The following THSD7B variants were observed in gnomAD, a reference collection of about 807,000 sequenced individuals.
THSD7B encodes the protein thrombospondin type 1 domain containing 7B, also known as thrombospondin type-1 domain-containing protein 7B.
A neutral mutation model predicts 213.6 loss-of-function variants in THSD7B; 138 were observed. That is an observed-to-expected ratio of 0.65 (90% CI 0.56 to 0.74). The LOEUF (loss-of-function observed/expected upper bound fraction) is 0.74, where lower values mean the gene tolerates loss of function less well. THSD7B is among the 30% of genes least tolerant of loss of function. THSD7B has a pLI of 0.00. For missense variants in THSD7B, 1,931 were observed against 1,991.5 expected (o/e 0.97, Z 0.58); for synonymous variants, 742 against 687.0 (o/e 1.08, Z -1.25).
At chr2:136,771,871 A>T (rs1004417488) in intron 1 of THSD7B, among the ~76,000 whole-genome samples, 2 of 152,080 alleles carry the variant, frequency 1.3e-5, no homozygotes, top group Non-Finnish European at 2.9e-5. Flanking sequence ...CCATTTGAGG[A>T]TCTGTAAGGT....
intron 5 of THSD7B, among the ~76,000 whole-genome samples, chr2:137,148,022 C>T (rs1219030161): frequency 1.3e-5 from 2 of 152,016 alleles, no homozygotes; most frequent in Non-Finnish European, 2.9e-5. Flanking sequence ...AGCTGTGTCC[C>T]CACCCAAATT....
chr2:137,480,056 A>T (rs1026736337), intron 15 of THSD7B, among the ~76,000 whole-genome samples: 3 of 152,146 alleles, frequency 2.0e-5, no homozygotes, highest in African/African-American at 7.2e-5. Context: ...CACCCAACGA[A>T]GTTTGGCTGA....
chr2:136,935,921 C>A (rs1684717825), intron 2 of THSD7B, among the ~76,000 whole-genome samples: 1 of 146,848 alleles, frequency 6.8e-6, no homozygotes, highest in Admixed American at 6.8e-5. Context: ...AATATATAAT[C>A]TTATATAATT....
intron 2 of THSD7B, among the ~76,000 whole-genome samples, chr2:136,961,088 CAAAAAAAAAAAAA>C (rs57328048): frequency 2.6e-5 from 1 of 39,084 alleles, no homozygotes; most frequent in African/African-American, 1.2e-4. Context: ...GACTCCGTCT[CAAAAAAAAAAAAA>C]AAAAAAAAAA....
rs1413284264 is a variant in THSD7B, at chr2:137,286,531, C to CTT, written c.2500+10506_2500+10507dup. 2.0e-5 allele frequency among the ~76,000 whole-genome samples: 3 copies of CTT among 152,266 alleles called. No individual in the cohort carries two copies. The East Asian group carries it at 5.8e-4, about 29-fold the overall frequency. On this transcript the variant is annotated intron_variant, in intron 12 of 27. Coordinates refer to ENST00000409968, the MANE Select transcript of THSD7B (RefSeq NM_001316349.2). ...CTCCGAATGGAAGACACCATAGTCA[C>CTT]TTAACGTTTGAGCTGCAGTTTTATT... is the stretch of plus-strand genomic sequence containing the variant.
intron 10 of THSD7B, among the ~76,000 whole-genome samples, chr2:137,247,422 A>T (rs1682064462): frequency 6.6e-6 from 1 of 152,186 alleles, no homozygotes; most frequent in African/African-American, 2.4e-5. Context: ...GGACTAGTTG[A>T]GATAATTGCC....
chr2:136,832,553 A>G (rs1265623269), intron 1 of THSD7B, among the ~76,000 whole-genome samples: 1 of 152,166 alleles, frequency 6.6e-6, no homozygotes, highest in Non-Finnish European at 1.5e-5. Context: ...TTATCCAGAC[A>G]CACTCAGAAA....
chr2:137,364,280 C>G (rs1327318449), intron 12 of THSD7B, among the ~76,000 whole-genome samples: 1 of 152,134 alleles, frequency 6.6e-6, no homozygotes, highest in Non-Finnish European at 1.5e-5. Context: ...AGACAAACAG[C>G]CAATATCATA....
At chr2:136,996,178 G>A (rs779787014) in intron 2 of THSD7B, among the ~76,000 whole-genome samples, 3 of 151,948 alleles carry the variant, frequency 2.0e-5, no homozygotes, top group African/African-American at 4.8e-5. Flanking sequence ...ATTTTCCTTC[G>A]TCTGTCTGTG....
At chr2:137,523,754 T>G (rs1227860557) in intron 15 of THSD7B, among the ~76,000 whole-genome samples, 1 of 152,162 alleles carries the variant, frequency 6.6e-6, no homozygotes, top group Non-Finnish European at 1.5e-5. Context: ...CATGACCTAG[T>G]TCTTGCCATC....
chr2:137,095,697 A>C (rs1459295248), intron 4 of THSD7B, among the ~76,000 whole-genome samples: 1 of 152,058 alleles, frequency 6.6e-6, no homozygotes, highest in Admixed American at 6.6e-5. Context: ...TAATAGCTAC[A>C]TTTTAACAGC....
chr2:137,205,473 T>C (rs1361947653), intron 7 of THSD7B, among the ~76,000 whole-genome samples: 1 of 117,798 alleles, frequency 8.5e-6, no homozygotes, highest in Non-Finnish European at 1.8e-5. Context: ...ATGAAATGCA[T>C]GGTTAGATTC....
intron 25 of THSD7B, among the ~76,000 whole-genome samples, chr2:137,662,931 G>T (rs1683377898): frequency 6.6e-6 from 1 of 152,040 alleles, no homozygotes; most frequent in South Asian, 2.1e-4. Context: ...CAGGTGTGAT[G>T]GCGGGTGCCT....
chr2:136,999,519 A>G (rs1246767724), intron 2 of THSD7B, among the ~76,000 whole-genome samples: 2 of 151,864 alleles, frequency 1.3e-5, no homozygotes, highest in Admixed American at 6.6e-5. Flanking sequence ...TTGTGTGTCA[A>G]TATGAACTTG....
chr2:137,078,829 A>C (rs1687684523), intron 3 of THSD7B, among the ~76,000 whole-genome samples: 1 of 151,878 alleles, frequency 6.6e-6, no homozygotes, highest in Admixed American at 6.6e-5. Flanking sequence ...AAAATTCTAT[A>C]GTTTTCTTGT....
chr2:137,607,756 G>A (rs1682211152), intron 17 of THSD7B, among the ~76,000 whole-genome samples: 1 of 152,008 alleles, frequency 6.6e-6, no homozygotes, highest in Non-Finnish European at 1.5e-5. Context: ...TGACAGCCTC[G>A]ATTTCTGTGA....
At chr2:137,071,358 T>C (rs1288326106) in intron 3 of THSD7B, among the ~76,000 whole-genome samples, 1 of 152,216 alleles carries the variant, frequency 6.6e-6, no homozygotes, top group East Asian at 1.9e-4. Context: ...ATGTCTTCTT[T>C]TGAGAAGTGT....
At chr2:137,256,321 A>C (rs926503459) in intron 10 of THSD7B, among the ~76,000 whole-genome samples, 18 of 152,350 alleles carry the variant, frequency 1.2e-4, no homozygotes, top group Middle Eastern at 3.4e-3. Flanking sequence ...TCAGGCATGC[A>C]AACACATGTT....
intron 3 of THSD7B, among the ~76,000 whole-genome samples, chr2:137,077,776 G>A (rs1687662082): frequency 6.7e-6 from 1 of 150,060 alleles, no homozygotes; most frequent in South Asian, 2.1e-4. Context: ...TCCATAGGTT[G>A]CCTGTTCACT....
Sources: allele counts gnomAD v4.1 joint callset (sites outside exome capture counted in the v4.1 genomes callset), GRCh38; gene constraint gnomAD v4.1.1; transcripts MANE v1.5; gene names NCBI Gene and HGNC (gene_info 2026-07-23, HGNC 2026-07-21).